Variants in RPL37 observed in about 807,000 individuals in gnomAD.
RPL37 encodes ribosomal protein L37.
A neutral mutation model predicts 14.8 loss-of-function variants in RPL37; 1 was observed. The observed-to-expected ratio is 0.07, with a 90% CI of 0.02 to 0.32. RPL37 has a LOEUF of 0.32. Ranked by LOEUF, RPL37 falls within the 10% of genes least tolerant of loss-of-function variation. The probability of loss-of-function intolerance (pLI) is 1.00; values close to 1 mark genes in which losing one functional copy is unlikely to be tolerated. For missense variants in RPL37, 100 were observed against 128.3 expected, an observed-to-expected ratio of 0.78 and a Z score of 1.06; for synonymous variants, 53 against 45.8, an observed-to-expected ratio of 1.16 and a Z score of -0.63.
At chr5:40,834,956 C>G (rs1396325904) in intron 1 of RPL37, 5 of 645,884 alleles carry the variant, frequency 7.7e-6, no homozygotes, top group African/African-American at 5.5e-5. Flanking sequence ...AAGGTTGGAC[C>G]GAGGCAAAGG....
chr5:40,832,658 C>T, intron 3 of RPL37, 85 bp from the exon 4 acceptor site: 1 of 981,324 alleles, frequency 1.0e-6, no homozygotes. Context: ...TTTCAATGCG[C>T]TTATCTCAGT....
chr5:40,832,659 T>C (rs774744721), intron 3 of RPL37, 86 bp from the exon 4 acceptor site: 7 of 963,896 alleles, frequency 7.3e-6, no homozygotes, highest in Admixed American at 3.4e-5. Flanking sequence ...TTCAATGCGC[T>C]TATCTCAGTT....
At chr5:40,834,380 G>C in intron 2 of RPL37, 91 bp downstream of exon 2, 1 of 1,576,640 alleles carries the variant, frequency 6.3e-7, no homozygotes, top group South Asian at 1.1e-5. Context: ...CGAGTTTTAA[G>C]ATAGGCACCA....
In RPL37 at chr5:40,830,839, G is replaced by A. The variant is rs1254922437; in HGVS notation, c.*1665C>T. ...GGTCAGGGTACCTTCACTAGACTTA[G>A]ACTTCTGAAGCCCAAACTGGCCAAA... On this transcript the variant is annotated 3_prime_UTR_variant, in exon 4 of 4. Coordinates refer to ENST00000274242, the MANE Select transcript of RPL37 (RefSeq NM_000997.5). 6.6e-6 allele frequency: 1 copy of A among 151,918 alleles called. No individual in the cohort carries two copies. Among genetic ancestry groups the A allele is most frequent in the Non-Finnish European group, 1.5e-5 (1 of 68,042 alleles). The allele number at this position is 151,918 out of a possible 1,614,324, so 9.4% of individuals were successfully genotyped here.
chr5:40,828,157 G>C lies in RPL37; in HGVS notation c.*4347C>G, dbSNP rs1745557067. ...CTGCAAGCAACCCAAAACTCAAAAAGGGCTGAATGATAAGTCATTCAGGTA... is the reference window on the plus strand; with the variant it reads ...CTGCAAGCAACCCAAAACTCAAAAACGGCTGAATGATAAGTCATTCAGGTA... On this transcript the variant is annotated 3_prime_UTR_variant, in exon 4 of 4. Transcript: ENST00000274242. 1 of 151,538 alleles carries C rather than the reference G, an allele frequency of 6.6e-6. No homozygotes were observed. The highest frequency in any genetic ancestry group is 1.9e-4 in the East Asian group (1 of 5,180). 9.4% of individuals were successfully genotyped at this position (151,538 alleles called of 1,614,324 possible).
rs537067373 is a variant in RPL37, at chr5:40,835,220, G to C, written c.-35C>G. The C allele has an allele frequency of 1.2e-5, 20 of 1,613,792 alleles. No individual in the cohort carries two copies. Among genetic ancestry groups the C allele is most frequent in the Admixed American group, 3.3e-5 (2 of 60,000 alleles). ...GCGGCCGAGACCAGAAAGACCGGAA[G>C]AGAAGGCACTTCCGCTATATCACGC... On this transcript the variant is annotated 5_prime_UTR_variant, in exon 1 of 4. Coordinates refer to ENST00000274242, the MANE Select transcript of RPL37 (RefSeq NM_000997.5).
chr5:40,834,695 A>C, intron 1 of RPL37, 89 bp from the exon 2 acceptor site: 1 of 1,435,236 alleles, frequency 7.0e-7, no homozygotes, highest in Non-Finnish European at 9.4e-7. Flanking sequence ...GATAAAATTT[A>C]AAGGCAATCG....
chr5:40,825,277 T>C lies in RPL37; in HGVS notation c.*7227A>G, dbSNP rs1416421109. ...AAAAGTAGTATTTCATTGTACAATA[T>C]CTTTATTAAAGAAATGCATTCCAGC... On this transcript the variant is annotated 3_prime_UTR_variant, in exon 4 of 4. Coordinates refer to ENST00000274242, the MANE Select transcript of RPL37 (RefSeq NM_000997.5). 6.6e-6 allele frequency: 1 copy of C among 152,224 alleles called. No individual in the cohort carries two copies. The highest frequency in any genetic ancestry group is 1.5e-5 in the Non-Finnish European group (1 of 68,042). 9.4% of individuals were successfully genotyped at this position (152,224 alleles called of 1,614,324 possible).
At chr5:40,834,766 C>G (rs1288111215) in intron 1 of RPL37, among the ~76,000 whole-genome samples, 160 bp from the exon 2 acceptor site, 1 of 152,198 alleles carries the variant, frequency 6.6e-6, no homozygotes, top group African/African-American at 2.4e-5. Context: ...GACCACTACC[C>G]GCATTTCACG....
rs569624582 is a variant in RPL37 at position 40,834,954 on chromosome 5, A to T, written c.3+229T>A. On this transcript the variant is annotated intron_variant, in intron 1 of 3. Coordinates refer to ENST00000274242, the MANE Select transcript of RPL37 (RefSeq NM_000997.5). The stretch of plus-strand genomic sequence containing the variant: ...GCCGTGAAAGGTCTCCAAAGGTTGG[A>T]CCGAGGCAAAGGACACAATGCGGCT... 1.4e-4 allele frequency: 88 copies of T among 644,146 alleles called. 2 individuals carry two copies. In the South Asian group the frequency reaches 1.6e-3, roughly 12 times the overall value. The allele number at this position is 644,146 out of a possible 1,614,324, so 39.9% of individuals were successfully genotyped here.
Position 40,834,848 on chromosome 5 carries a change from G to C in RPL37, c.4-242C>G, listed in dbSNP as rs551465402. ...TATCTTTACAGACTCCGGCCAGAGA[G>C]CATCACCAATGAATTATTTCATTGT... On this transcript the variant is annotated intron_variant, in intron 1 of 3. Coordinates refer to ENST00000274242, the MANE Select transcript of RPL37 (RefSeq NM_000997.5). 2.6e-4 allele frequency among the ~76,000 whole-genome samples: 40 copies of C among 152,310 alleles called. No homozygotes were observed. In the South Asian group the frequency reaches 8.3e-3, roughly 32 times the overall value.
At chr5:40,834,086 A>G (rs1266441025) in intron 3 of RPL37, 95 bp downstream of exon 3, 1 of 877,398 alleles carries the variant, frequency 1.1e-6, no homozygotes, top group African/African-American at 1.7e-5. Context: ...TCTCATCCCC[A>G]GTAACCATCA....
chr5:40,834,568 C>T lies in RPL37; in HGVS notation c.42G>A (p.Lys14=), dbSNP rs767020827. 2.3e-5 allele frequency: 37 copies of T among 1,613,858 alleles called. No individual in the cohort carries two copies. The highest frequency in any genetic ancestry group is 2.9e-5 in the Non-Finnish European group (34 of 1,179,992). The change falls in exon 2 of 4, where the codon AAG becomes AAA. Residue 14 remains lysine, a synonymous_variant. Coordinates refer to ENST00000274242, the MANE Select transcript of RPL37 (RefSeq NM_000997.5). ...CACAGCGGCGGCACAACGTGTGCGT[C>T]TTATTGCGACGCTTTCCAAACGATG... The part of the protein sequence containing the change: ...GTSSFGKRRN[K]THTLCRRCGS...
At chr5:40,834,748 A>C (rs1745726244) in intron 1 of RPL37, 142 bp from the exon 2 acceptor site, 1 of 946,332 alleles carries the variant, frequency 1.1e-6, no homozygotes, top group South Asian at 1.7e-5. Flanking sequence ...CACGAATGCC[A>C]AGTCAGAGAC....
intron 1 of RPL37, 136 bp downstream of exon 1, chr5:40,835,047 A>G: frequency 1.7e-6 from 2 of 1,197,626 alleles, no homozygotes; most frequent in Non-Finnish European, 2.4e-6. Flanking sequence ...CTGGCTCTTG[A>G]GGGCCACCGC....
Position 40,834,512 on chromosome 5 carries a change from G to C in RPL37, c.98C>G (p.Thr33Ser), listed in dbSNP as rs1243526269. Residue 33 changes from threonine (T) to serine (S), a missense_variant, in exon 2 of 4, where the codon ACC becomes AGC. By Grantham distance (58) the Thr-to-Ser change is moderately conservative (BLOSUM62 1). Transcript: ENST00000274242. ...GGCAGGGTAGCCACATTTGCCACAGGTCGACTTCTGAAGGTGGTAGGCCTT... is the reference window on the plus strand; with the variant it reads ...GGCAGGGTAGCCACATTTGCCACAGCTCGACTTCTGAAGGTGGTAGGCCTT... ...GSKAYHLQKS[T>S]CGKCGYPAKR... is the part of the protein sequence containing the mutation. 1.2e-6 allele frequency: 2 copies of C among 1,613,888 alleles called. No individual in the cohort carries two copies. The highest frequency in any genetic ancestry group is 1.7e-6 in the Non-Finnish European group (2 of 1,180,032).
rs1173190313 is a variant in RPL37, at chr5:40,831,778, A to T, written c.*726T>A. 1 of 152,328 alleles carries T rather than the reference A, an allele frequency of 6.6e-6. No homozygotes were observed. Among genetic ancestry groups the T allele is most frequent in the Admixed American group, 6.5e-5 (1 of 15,268 alleles). 9.4% of individuals were successfully genotyped at this position (152,328 alleles called of 1,614,324 possible). On this transcript the variant is annotated 3_prime_UTR_variant, in exon 4 of 4. Coordinates refer to ENST00000274242, the MANE Select transcript of RPL37 (RefSeq NM_000997.5). Reference sequence around the variant, plus strand: ...ACACCCAATTACCAAGTTGAGGGCTAAAAAAATTCGACCAAGTAGTCCCAC... The same window carrying T: ...ACACCCAATTACCAAGTTGAGGGCTTAAAAAATTCGACCAAGTAGTCCCAC...
rs866352313 is a variant in RPL37, at chr5:40,835,055, C to G, written c.3+128G>C. ...CATTCTTCTGGCTCTTGAGGGCCAC[C>G]GCATGCCTCTTTCCAGCCCACCAGT... is the stretch of plus-strand genomic sequence containing the variant. On this transcript the variant is annotated intron_variant, in intron 1 of 3. Transcript: ENST00000274242. The G allele has an allele frequency of 8.4e-6, 11 of 1,303,314 alleles. No homozygotes were observed. In the Middle Eastern group the frequency reaches 1.1e-3, roughly 129 times the overall value. 80.7% of individuals were successfully genotyped at this position (1,303,314 alleles called of 1,614,324 possible).
chr5:40,835,199 C>G lies in RPL37; in HGVS notation c.-14G>C. 1 of 1,614,112 alleles carries G rather than the reference C, an allele frequency of 6.2e-7. No individual in the cohort carries two copies. Among genetic ancestry groups the G allele is most frequent in the Non-Finnish European group, 8.5e-7 (1 of 1,180,030 alleles). On this transcript the variant is annotated 5_prime_UTR_variant, in exon 1 of 4. Coordinates refer to ENST00000274242, the MANE Select transcript of RPL37 (RefSeq NM_000997.5). ...ACAACTCACCATCTCGCTTCTGCGG[C>G]CGAGACCAGAAAGACCGGAAGAGAA... is the stretch of plus-strand genomic sequence containing the variant.
Sources: gnomAD v4.1 joint callset for allele counts (sites outside exome capture counted in the v4.1 genomes callset) on GRCh38, gnomAD v4.1.1 for gene constraint, MANE v1.5 for transcripts, NCBI Gene and HGNC (gene_info 2026-07-23, HGNC 2026-07-21) for gene names.